Variants in ABCC1 observed in about 807,000 individuals in gnomAD.
ABCC1 encodes the protein ATP binding cassette subfamily C member 1 (ABCC1 blood group).
Under a neutral mutation model 172.9 loss-of-function variants are expected in ABCC1, and 83 were observed. The ratio of observed to expected loss-of-function variants is 0.48; its 90% CI spans 0.40 to 0.58. The LOEUF (loss-of-function observed/expected upper bound fraction) is 0.58. ABCC1 is among the 20% of genes least tolerant of loss of function. ABCC1 has a pLI of 0.00. For missense variants in ABCC1, 1,817 were observed against 2,002.7 expected (o/e 0.91, Z 1.77); for synonymous variants, 937 against 825.2 (o/e 1.14, Z -2.32).
chr16:16,095,548 G>T (rs1454130756), intron 19 of ABCC1, among the ~76,000 whole-genome samples: 1 of 151,908 alleles, frequency 6.6e-6, no homozygotes, highest in Non-Finnish European at 1.5e-5. Flanking sequence ...GAATCCCCTT[G>T]CCAGGACATC....
At chr16:15,973,661 C>G (rs1481987216) in intron 1 of ABCC1, among the ~76,000 whole-genome samples, 1 of 152,058 alleles carries the variant, frequency 6.6e-6, no homozygotes, top group Non-Finnish European at 1.5e-5. Flanking sequence ...AGATCTCCAG[C>G]AATCGTGTGA....
chr16:15,950,680 C>T (rs1339894162), intron 1 of ABCC1, among the ~76,000 whole-genome samples: 3 of 152,276 alleles, frequency 2.0e-5, no homozygotes, highest in Admixed American at 6.5e-5. Context: ...CTCTTTGTTC[C>T]AGGAAGGCAG....
At chr16:16,017,460 C>G (rs962784347) in intron 5 of ABCC1, among the ~76,000 whole-genome samples, 1 of 152,010 alleles carries the variant, frequency 6.6e-6, no homozygotes, top group Non-Finnish European at 1.5e-5. Flanking sequence ...TGTGCAAGTT[C>G]GTTACATAGG....
At chr16:16,069,511 T>C (rs897182613) in intron 13 of ABCC1, among the ~76,000 whole-genome samples, 20 of 152,160 alleles carry the variant, frequency 1.3e-4, no homozygotes, top group African/African-American at 4.8e-4. Flanking sequence ...CCTGTCACTT[T>C]TCTGCACTGT....
At chr16:15,953,252 C>T (rs975285347) in intron 1 of ABCC1, among the ~76,000 whole-genome samples, 4 of 151,814 alleles carry the variant, frequency 2.6e-5, no homozygotes, top group African/African-American at 4.8e-5. Context: ...AGGAGAATTG[C>T]TTGAACCTGG....
At chr16:15,953,126 A>G (rs1046712628) in intron 1 of ABCC1, among the ~76,000 whole-genome samples, 2 of 152,140 alleles carry the variant, frequency 1.3e-5, no homozygotes, top group African/African-American at 4.8e-5. Context: ...ACCTGAGGTC[A>G]GGGGTTCAAG....
intron 18 of ABCC1, among the ~76,000 whole-genome samples, chr16:16,087,300 G>A (rs1004671638): frequency 1.3e-5 from 2 of 152,206 alleles, no homozygotes; most frequent in Non-Finnish European, 2.9e-5. Flanking sequence ...GACATTGCCT[G>A]TGACCTAGCA....
At chr16:16,086,762 T>A in intron 17 of ABCC1, 62 bp from the exon 18 acceptor site, 1 of 1,582,848 alleles carries the variant, frequency 6.3e-7, no homozygotes, top group Non-Finnish European at 8.6e-7. Context: ...TCGGCCTGCT[T>A]CTACGTATTG....
In ABCC1 at chr16:16,009,897, C is replaced by A. The variant is rs955408927; in HGVS notation, c.347C>A (p.Thr116Asn). Residue 116 changes from threonine to asparagine, a missense_variant, in exon 3 of 31, where the codon ACC becomes AAC. Physicochemically the swap from Thr to Asn is moderately conservative, Grantham distance 65. Transcript: ENST00000399410. ...GTCAGCCCAACTCTCTTGGGCATCA[C>A]CATGGTAAGTAGGAGCTGGCTGTGA... ...FLVSPTLLGI[T>N]MLLATFLIQL... The A allele has an allele frequency of 6.3e-7, 1 of 1,599,606 alleles. No individual in the cohort carries two copies. The highest frequency in any genetic ancestry group is 8.5e-7 in the Non-Finnish European group (1 of 1,173,496).
At chr16:16,138,581 C>A in intron 30 of ABCC1, 23 bp downstream of exon 30, 1 of 1,529,258 alleles carries the variant, frequency 6.5e-7, no homozygotes, top group Non-Finnish European at 8.9e-7. Context: ...GCACAGTGGC[C>A]TCTAGGCTTT....
intron 1 of ABCC1, among the ~76,000 whole-genome samples, chr16:15,999,476 G>A (rs1184169110): frequency 2.0e-5 from 3 of 151,824 alleles, no homozygotes; most frequent in African/African-American, 4.8e-5. Flanking sequence ...TTAGCCAGGC[G>A]TGGTGGCAGG....
intron 21 of ABCC1, among the ~76,000 whole-genome samples, chr16:16,107,270 A>G (rs372005613): frequency 1.3e-3 from 195 of 152,036 alleles, no homozygotes; most frequent in Middle Eastern, 6.8e-3. Context: ...TGACAGAGGA[A>G]TGTTTGTTTC....
chr16:16,123,184 T>C (rs536900685), intron 24 of ABCC1, among the ~76,000 whole-genome samples: 1 of 152,310 alleles, frequency 6.6e-6, no homozygotes, highest in South Asian at 2.1e-4. Flanking sequence ...TGTCACAATC[T>C]GGCTGTGTCT....
intron 12 of ABCC1, among the ~76,000 whole-genome samples, chr16:16,062,334 C>T (rs1350727232): frequency 1.3e-5 from 2 of 152,110 alleles, no homozygotes; most frequent in South Asian, 2.1e-4. Flanking sequence ...GGCTTTTCTT[C>T]TCTTTTTTCT....
At chr16:16,002,616 T>C (rs1296578521) in intron 1 of ABCC1, among the ~76,000 whole-genome samples, 1 of 151,944 alleles carries the variant, frequency 6.6e-6, no homozygotes, top group Non-Finnish European at 1.5e-5. Context: ...CTACTAAAAA[T>C]ACAAAATTAG....
At position 16,003,499 on chromosome 16, in the gene ABCC1, AT is replaced by A. The variant is rs1370826754; in HGVS notation, c.49-4315del. 2.3e-4 allele frequency among the ~76,000 whole-genome samples: 33 copies of A among 141,472 alleles called. 1 individual carries two copies. Among genetic ancestry groups the A allele is most frequent in the African/African-American group, 8.3e-4 (33 of 39,544 alleles). The allele number at this position is 141,472 out of a possible 152,430, so 92.8% of individuals were successfully genotyped here. On this transcript the variant is annotated intron_variant, in intron 1 of 30. Transcript: ENST00000399410. ...GATGGGTAGGTGCATGGATGAATGAATTGGTGGGTTGGTGGATGGGTGGATG... is the reference window on the plus strand; with the variant it reads ...GATGGGTAGGTGCATGGATGAATGAATGGTGGGTTGGTGGATGGGTGGATG...
At chr16:16,096,342 C>T (rs183375550) in intron 19 of ABCC1, among the ~76,000 whole-genome samples, 370 of 152,184 alleles carry the variant, frequency 2.4e-3, no homozygotes, top group African/African-American at 8.3e-3. Context: ...TCCTTCCTTC[C>T]TAGGCCTTCT....
chr16:16,138,533 C>T lies in ABCC1; in HGVS notation c.4462C>T (p.Leu1488Phe). ...DCTVLTIAHR[L>F]NTIMDYTRVI... ...CACCGTCCTCACCATCGCCCACCGG[C>T]TCAACACCATCATGGACTACACAAG... Residue 1488 changes from leucine (L) to phenylalanine (F), a missense_variant, in exon 30 of 31, where the codon CTC (leucine) becomes TTC (phenylalanine). Around this residue, in one of 3 missense-constraint regions of ABCC1, gnomAD observed 1,412 missense variants for 1,600.3 expected, o/e 0.88. Transcript: ENST00000399410. 1 of 1,520,056 alleles carries T rather than the reference C, an allele frequency of 6.6e-7. No individual in the cohort carries two copies. The highest frequency in any genetic ancestry group is 8.9e-7 in the Non-Finnish European group (1 of 1,125,882). The allele number at this position is 1,520,056 out of a possible 1,614,324, so 94.2% of individuals were successfully genotyped here.
intron 1 of ABCC1, among the ~76,000 whole-genome samples, chr16:15,953,930 C>G (rs2045931705): frequency 6.6e-6 from 1 of 152,066 alleles, no homozygotes; most frequent in Non-Finnish European, 1.5e-5. Flanking sequence ...AATTTTTCCC[C>G]TCCTCCAAGT....
Sources: allele counts gnomAD v4.1 joint callset (sites outside exome capture counted in the v4.1 genomes callset), GRCh38; gene constraint gnomAD v4.1.1; regional missense constraint gnomAD v4.1.1; transcripts MANE v1.5; gene names NCBI Gene and HGNC (gene_info 2026-07-23, HGNC 2026-07-21).